The following NAV1 variants were observed in gnomAD, a reference collection of about 807,000 sequenced individuals.
NAV1 encodes neuron navigator 1.
NAV1 carries 18 observed loss-of-function variants against 175.2 expected under a neutral mutation model. The ratio of observed to expected loss-of-function variants is 0.10; its 90% confidence interval spans 0.07 to 0.15. The LOEUF is 0.15. Among genes scored for constraint, NAV1 ranks in the 10% least tolerant of loss-of-function variants. NAV1 has a pLI of 1.00. For missense variants in NAV1, 1,731 were observed against 2,436.6 expected, an observed-to-expected ratio of 0.71 and a Z score of 6.10; for synonymous variants, 897 against 978.7, an observed-to-expected ratio of 0.92 and a Z score of 1.56.
At chr1:201,643,085 TTCTTTCTTTTTC>T (rs1668853996) in intron 2 of NAV1, among the ~76,000 whole-genome samples, 1 of 150,084 alleles carries the variant, frequency 6.7e-6, no homozygotes, top group Non-Finnish European at 1.5e-5. Flanking sequence ...CTTTCTCTCT[TTCTTTCTTTTTC>T]TCTTTCTTTC....
intron 2 of NAV1, 66 bp downstream of exon 4, chr1:201,629,573 G>A (rs540315677): frequency 9.2e-7 from 1 of 1,091,772 alleles, no homozygotes; most frequent in Non-Finnish European, 1.2e-6. Context: ...TGCCTAGATG[G>A]AAGAAGAAGT....
At chr1:201,801,863 C>T (rs1677890300) in intron 15 of NAV1, among the ~76,000 whole-genome samples, 1 of 151,868 alleles carries the variant, frequency 6.6e-6, no homozygotes, top group Non-Finnish European at 1.5e-5. Flanking sequence ...GGGCCAAGCA[C>T]GGTAGCTCAC....
intron 2 of NAV1, among the ~76,000 whole-genome samples, chr1:201,630,055 AGACCCT>A (rs1033065230): frequency 1.3e-5 from 2 of 152,244 alleles, no homozygotes; most frequent in Non-Finnish European, 2.9e-5. Context: ...ATAAGGGCAG[AGACCCT>A]GACAGTCTCA....
At chr1:201,601,924 G>T (rs984960994) in intron 2 of NAV1, among the ~76,000 whole-genome samples, 1 of 152,062 alleles carries the variant, frequency 6.6e-6, no homozygotes, top group Non-Finnish European at 1.5e-5. Flanking sequence ...TGTCGAGGAG[G>T]GGATCCACAG....
chr1:201,675,214 C>T (rs1472378770), intron 1 of NAV1, among the ~76,000 whole-genome samples: 2 of 152,172 alleles, frequency 1.3e-5, no homozygotes, highest in Non-Finnish European at 2.9e-5. Flanking sequence ...ACCACCATGT[C>T]ACACCAACAT....
chr1:201,756,810 T>TTCTTTCTTTCTTTCTTTC (rs1674501663), intron 3 of NAV1, among the ~76,000 whole-genome samples: 31 of 928 alleles, frequency 0.033, no homozygotes, highest in Admixed American at 0.2. Flanking sequence ...CTTTCTTTCC[T>TTCTTTCTTTCTTTCTTTC]TCTTTCTTTC....
At chr1:201,729,128 C>T (rs1009609549) in intron 3 of NAV1, among the ~76,000 whole-genome samples, 4 of 152,186 alleles carry the variant, frequency 2.6e-5, no homozygotes, top group East Asian at 1.9e-4. Context: ...CTTTAATTGT[C>T]AACCTTTTCC....
intron 3 of NAV1, among the ~76,000 whole-genome samples, chr1:201,775,629 G>T (rs1675889529): frequency 6.6e-6 from 1 of 152,198 alleles, no homozygotes; most frequent in African/African-American, 2.4e-5. Flanking sequence ...CAGAAACTAT[G>T]CAAGGACATT....
chr1:201,660,725 C>T (rs563971813), intron 1 of NAV1, among the ~76,000 whole-genome samples: 12 of 152,316 alleles, frequency 7.9e-5, no homozygotes, highest in South Asian at 4.1e-4. Context: ...GCTTTGTTTG[C>T]GTAAACCCAT....
intron 1 of NAV1, among the ~76,000 whole-genome samples, chr1:201,626,991 A>T (rs778198455): frequency 6.6e-6 from 1 of 152,240 alleles, no homozygotes; most frequent in Non-Finnish European, 1.5e-5. Context: ...TGTTTCTGCC[A>T]TTGGAGTTTC....
At chr1:201,568,467 G>A (rs906080545) in intron 1 of NAV1, among the ~76,000 whole-genome samples, 5 of 152,124 alleles carry the variant, frequency 3.3e-5, no homozygotes, top group African/African-American at 1.2e-4. Flanking sequence ...TTTGGGTGGT[G>A]GTATGTCTGG....
intron 1 of NAV1, among the ~76,000 whole-genome samples, chr1:201,687,792 T>C (rs1434870796): frequency 1.3e-5 from 2 of 152,176 alleles, no homozygotes; most frequent in Non-Finnish European, 2.9e-5. Context: ...AGCCTGGCAT[T>C]TGTGGCCTGG....
chr1:201,734,610 C>T (rs543951779), intron 3 of NAV1, among the ~76,000 whole-genome samples: 11 of 152,054 alleles, frequency 7.2e-5, no homozygotes, highest in African/African-American at 2.2e-4. Flanking sequence ...AAATTAGCAA[C>T]GGAGAACCAC....
exon 30 of NAV1, chr1:201,819,967 A>G (rs765784504): frequency 6.3e-7 from 1 of 1,592,982 alleles, no homozygotes; most frequent in South Asian, 1.1e-5. Context: ...CGGACAGCAG[A>G]ACGCTGGCAT....
intron 1 of NAV1, among the ~76,000 whole-genome samples, chr1:201,556,341 C>T (rs1459526288): frequency 6.6e-6 from 1 of 151,908 alleles, no homozygotes. Flanking sequence ...TTTCTTGAAC[C>T]TGGGAGGCAG....
chr1:201,734,228 C>A (rs1248007382), intron 3 of NAV1, among the ~76,000 whole-genome samples: 2 of 151,768 alleles, frequency 1.3e-5, no homozygotes, highest in Non-Finnish European at 2.9e-5. Context: ...GGCAACACAG[C>A]AAGACTCCTT....
intron 29 of NAV1, among the ~76,000 whole-genome samples, chr1:201,817,739 G>A (rs1679142620): frequency 6.6e-6 from 1 of 152,048 alleles, no homozygotes; most frequent in African/African-American, 2.4e-5. Flanking sequence ...AGAGCAGTAG[G>A]GCACACTAGC....
In NAV1 at chr1:201,707,408, C is replaced by G. The variant is rs977498799; in HGVS notation, c.758-5409C>G. Among the ~76,000 whole-genome samples the G allele has an allele frequency of 2.6e-5, 4 of 152,338 alleles. 1 individual carries two copies. The Middle Eastern group carries it at 0.014, about 518-fold the overall frequency. On this transcript the variant is annotated intron_variant, in intron 1 of 29. Transcript: ENST00000367296. ...CATGTTTGTGAATTAGCTCTTTAAGCCTCACAGCAACCCCACCAAGTGGGT... is the reference window on the plus strand; with the variant it reads ...CATGTTTGTGAATTAGCTCTTTAAGGCTCACAGCAACCCCACCAAGTGGGT...
Position 201,813,305 on chromosome 1 carries a change from C to A in NAV1, c.5340+47C>A. The A allele has an allele frequency of 8.2e-7, 1 of 1,220,554 alleles. No homozygotes were observed. Among genetic ancestry groups the A allele is most frequent in the Non-Finnish European group, 1.2e-6 (1 of 835,830 alleles). The allele number at this position is 1,220,554 out of a possible 1,614,324, so 75.6% of individuals were successfully genotyped here. A position where few individuals can be genotyped will look rare whatever the true frequency, so the allele number is the denominator to read the frequency against. On this transcript the variant is annotated intron_variant, in intron 28 of 29. Coordinates refer to ENST00000367296, the Ensembl canonical transcript of NAV1. The surrounding 1 kb of genome is among the most constrained non-coding windows in gnomAD (Gnocchi z 4.2). ...CAAACCCTAAGATCAGGCTGTCCTACCTAACAAAGTAGGAATGTTTCTTTA... is the reference window on the plus strand; with the variant it reads ...CAAACCCTAAGATCAGGCTGTCCTAACTAACAAAGTAGGAATGTTTCTTTA...
Sources: allele counts gnomAD v4.1 joint callset (sites outside exome capture counted in the v4.1 genomes callset), GRCh38; gene constraint gnomAD v4.1.1; non-coding constraint Gnocchi (gnomAD v3.1); transcripts MANE v1.5; gene names NCBI Gene and HGNC (gene_info 2026-07-23, HGNC 2026-07-21).